Variants in TMC1 observed in about 807,000 individuals in gnomAD.
TMC1 encodes transmembrane channel like 1.
Under a neutral mutation model 105.8 loss-of-function variants are expected in TMC1, and 84 were observed. That is an observed-to-expected ratio of 0.79 (90% CI 0.67 to 0.95). TMC1 has a LOEUF of 0.95. Ranked by LOEUF, TMC1 falls within the 40% of genes least tolerant of loss-of-function variation. The probability of loss-of-function intolerance (pLI) is 0.00; values close to 1 mark genes in which losing one functional copy is unlikely to be tolerated. For missense variants in TMC1, 817 were observed against 914.1 expected (o/e 0.89, Z 1.37); for synonymous variants, 315 against 311.5 (o/e 1.01, Z -0.12).
intron 2 of TMC1, among the ~76,000 whole-genome samples, chr9:72,598,574 C>T (rs2132110607): frequency 6.6e-6 from 1 of 152,216 alleles, no homozygotes; most frequent in Admixed American, 6.5e-5. Flanking sequence ...ACAGTGGACA[C>T]AGAGCCCTGA....
At chr9:72,694,949 T>C (rs547857560) in intron 7 of TMC1, among the ~76,000 whole-genome samples, 1 of 152,306 alleles carries the variant, frequency 6.6e-6, no homozygotes, top group African/African-American at 2.4e-5. Context: ...GGATCTGAAT[T>C]ATCATAGGTC....
At chr9:72,694,843 A>G (rs1826522546) in intron 7 of TMC1, 129 bp downstream of exon 7, 2 of 797,816 alleles carry the variant, frequency 2.5e-6, no homozygotes, top group South Asian at 3.7e-5. Flanking sequence ...TGATGATGCT[A>G]TTTTATTCTA....
intron 2 of TMC1, among the ~76,000 whole-genome samples, chr9:72,611,610 A>T (rs1825025614): frequency 6.6e-6 from 1 of 152,162 alleles, no homozygotes; most frequent in Non-Finnish European, 1.5e-5. Flanking sequence ...AATGGGGAGC[A>T]TGTCTGTGGC....
chr9:72,575,655 T>G (rs1041085728), intron 1 of TMC1, among the ~76,000 whole-genome samples: 1 of 152,180 alleles, frequency 6.6e-6, no homozygotes, highest in Non-Finnish European at 1.5e-5. Context: ...GGTCCATTCT[T>G]GCCCAGAAGG....
At chr9:72,551,901 T>C (rs1053193444) in intron 1 of TMC1, among the ~76,000 whole-genome samples, 5 of 152,018 alleles carry the variant, frequency 3.3e-5, no homozygotes, top group Non-Finnish European at 7.4e-5. Flanking sequence ...CCAAGGAATG[T>C]CAAATATTGC....
At chr9:72,561,156 C>G (rs1333264124) in intron 1 of TMC1, among the ~76,000 whole-genome samples, 2 of 151,518 alleles carry the variant, frequency 1.3e-5, no homozygotes, top group Non-Finnish European at 2.9e-5. Context: ...CCCATCTCTA[C>G]TAAAAATGCA....
chr9:72,807,666 G>C (rs1210403277), intron 18 of TMC1, among the ~76,000 whole-genome samples: 1 of 152,160 alleles, frequency 6.6e-6, no homozygotes, highest in Admixed American at 6.5e-5. Flanking sequence ...ACTATCATAT[G>C]CCAGTCACTG....
chr9:72,546,856 A>G (rs1311324106), intron 1 of TMC1, among the ~76,000 whole-genome samples: 1 of 152,232 alleles, frequency 6.6e-6, no homozygotes. Flanking sequence ...ATAGCATAAT[A>G]CTTCAAAAGT....
At chr9:72,614,564 TTTC>T (rs1825089273) in intron 2 of TMC1, among the ~76,000 whole-genome samples, 1 of 152,206 alleles carries the variant, frequency 6.6e-6, no homozygotes, top group African/African-American at 2.4e-5. Context: ...TTTGCAAGGT[TTTC>T]AAGGGAATAA....
intron 2 of TMC1, among the ~76,000 whole-genome samples, chr9:72,579,996 T>C (rs1824448388): frequency 6.6e-6 from 1 of 152,122 alleles, no homozygotes; most frequent in Non-Finnish European, 1.5e-5. Flanking sequence ...TTCCCAAAGG[T>C]GCACAATTAA....
At chr9:72,641,033 A>G (rs1489235559) in intron 4 of TMC1, among the ~76,000 whole-genome samples, 1 of 152,162 alleles carries the variant, frequency 6.6e-6, no homozygotes, top group African/African-American at 2.4e-5. Context: ...GGTGGTCAAA[A>G]TTATGTTTGT....
intron 13 of TMC1, among the ~76,000 whole-genome samples, chr9:72,786,441 T>G (rs888317166): frequency 6.6e-6 from 1 of 151,890 alleles, no homozygotes; most frequent in Non-Finnish European, 1.5e-5. Flanking sequence ...AGACTCCTCC[T>G]CAAACAAAAA....
intron 4 of TMC1, among the ~76,000 whole-genome samples, chr9:72,638,107 A>G (rs1343889261): frequency 2.0e-5 from 3 of 152,040 alleles, no homozygotes; most frequent in Non-Finnish European, 4.4e-5. Flanking sequence ...CTCAAAGACA[A>G]CTTAGAAGGT....
intron 23 of TMC1, among the ~76,000 whole-genome samples, chr9:72,833,818 CT>C (rs1414974237): frequency 6.6e-6 from 1 of 152,132 alleles, no homozygotes; most frequent in Non-Finnish European, 1.5e-5. Flanking sequence ...GATTCTTAGT[CT>C]TTCTTGAGCA....
intron 1 of TMC1, among the ~76,000 whole-genome samples, chr9:72,575,097 T>C (rs1024910275): frequency 9.8e-5 from 15 of 152,344 alleles, no homozygotes; most frequent in African/African-American, 3.1e-4. Context: ...TCTACTTATA[T>C]AGAGACAAAT....
chr9:72,595,432 C>T (rs1824702732), intron 2 of TMC1, among the ~76,000 whole-genome samples: 1 of 152,106 alleles, frequency 6.6e-6, no homozygotes, highest in South Asian at 2.1e-4. Flanking sequence ...TTCAGGTGCT[C>T]TTGATTCAAG....
At position 72,794,262 on chromosome 9, in the gene TMC1, C is replaced by A. The variant is rs192447568; in HGVS notation, c.1566+1910C>A. Among the ~76,000 whole-genome samples, 99 of 152,288 alleles carry A rather than the reference C, an allele frequency of 6.5e-4. 1 individual carries two copies. Among genetic ancestry groups the A allele is most frequent in the Middle Eastern group, 3.4e-3 (1 of 294 alleles). On this transcript the variant is annotated intron_variant, in intron 17 of 23. Transcript: ENST00000297784. ...CCAAGGTATCTTCCTCTGCTGCTGC[C>A]AAGTTGGAGAAGAAACATAACGCTG... is the stretch of plus-strand genomic sequence containing the variant.
In TMC1 at chr9:72,766,373, C is replaced by T. The variant is rs546965955; in HGVS notation, c.742-6040C>T. 6.7e-5 allele frequency among the ~76,000 whole-genome samples: 10 copies of T among 150,282 alleles called. No homozygotes were observed. The East Asian group carries it at 9.8e-4, about 15-fold the overall frequency. ...CGGAGCTTGCAGTGAGCCGAAATTG[C>T]GCCACTGCACTCCAGCCTGGGTGAC... On this transcript the variant is annotated intron_variant, in intron 12 of 23. Coordinates refer to ENST00000297784, the MANE Select transcript of TMC1 (RefSeq NM_138691.3).
chr9:72,829,163 C>T (rs1314645625), intron 21 of TMC1, among the ~76,000 whole-genome samples: 1 of 152,140 alleles, frequency 6.6e-6, no homozygotes, highest in East Asian at 1.9e-4. Flanking sequence ...ATCTCATCTT[C>T]TATTTTTGGG....
Sources: gnomAD v4.1 joint callset for allele counts (sites outside exome capture counted in the v4.1 genomes callset) on GRCh38, gnomAD v4.1.1 for gene constraint, MANE v1.5 for transcripts, NCBI Gene and HGNC (gene_info 2026-07-23, HGNC 2026-07-21) for gene names.